The following CCDC169 variants were observed in gnomAD, a reference collection of about 807,000 sequenced individuals.
CCDC169 encodes coiled-coil domain containing 169.
CCDC169 carries 30 observed loss-of-function variants against 36.0 expected under a neutral mutation model. The observed-to-expected ratio is 0.83, with a 90% CI of 0.62 to 1.13. The LOEUF is 1.13. CCDC169 is among the 50% of genes most tolerant of loss of function. CCDC169 has a pLI of 0.00. For missense variants in CCDC169, 245 were observed against 245.9 expected (o/e 1.00, Z 0.03); for synonymous variants, 85 against 81.5 (o/e 1.04, Z -0.23).
intron 7 of CCDC169, among the ~76,000 whole-genome samples, chr13:36,248,118 T>A (rs927360327): frequency 6.6e-6 from 1 of 152,146 alleles, no homozygotes; most frequent in African/African-American, 2.4e-5. Flanking sequence ...CTTTTAAAAG[T>A]AAGGTATTTA....
At chr13:36,223,030 C>T (rs965566342), downstream of CCDC169, 3 of 152,096 alleles carry the variant, frequency 2.0e-5, no homozygotes, top group Non-Finnish European at 4.4e-5. Flanking sequence ...TTGATGAAAA[C>T]TACAGATATA....
chr13:36,288,931 G>T (rs1260637918), intron 2 of CCDC169, among the ~76,000 whole-genome samples: 1 of 152,006 alleles, frequency 6.6e-6, no homozygotes, highest in Non-Finnish European at 1.5e-5. Flanking sequence ...TCAGAAAACA[G>T]AAAATTTTAG....
At chr13:36,243,701 G>A (rs1040869660) in intron 7 of CCDC169, among the ~76,000 whole-genome samples, 3 of 152,136 alleles carry the variant, frequency 2.0e-5, no homozygotes, top group African/African-American at 4.8e-5. Flanking sequence ...AGCTACTCGG[G>A]AGGCTGAGAC....
chr13:36,245,760 A>T (rs921356157), intron 7 of CCDC169, among the ~76,000 whole-genome samples: 1 of 152,186 alleles, frequency 6.6e-6, no homozygotes, highest in Non-Finnish European at 1.5e-5. Flanking sequence ...TTGTCTTATT[A>T]TGCTTCACTT....
At chr13:36,287,049 A>G (rs1481810671) in intron 2 of CCDC169, among the ~76,000 whole-genome samples, 1 of 152,166 alleles carries the variant, frequency 6.6e-6, no homozygotes, top group African/African-American at 2.4e-5. Context: ...AGCTGATTAC[A>G]TATGGTGCAT....
chr13:36,252,138 G>A (rs1023564405), intron 6 of CCDC169, among the ~76,000 whole-genome samples: 1 of 152,156 alleles, frequency 6.6e-6, no homozygotes, highest in Non-Finnish European at 1.5e-5. Context: ...GCTAGACCTT[G>A]AAGGATGTGG....
chr13:36,292,638 T>G (rs1049363143), intron 2 of CCDC169, among the ~76,000 whole-genome samples: 1 of 152,138 alleles, frequency 6.6e-6, no homozygotes, highest in Non-Finnish European at 1.5e-5. Flanking sequence ...AATAAGCAGA[T>G]GAGAAAGTAG....
At chr13:36,229,106 G>C (rs1399717103), downstream of CCDC169, among the ~76,000 whole-genome samples, 1 of 152,108 alleles carries the variant, frequency 6.6e-6, no homozygotes, top group Admixed American at 6.6e-5. Context: ...TAGTGGGAAA[G>C]AGACTATAAA....
intron 7 of CCDC169, among the ~76,000 whole-genome samples, chr13:36,243,097 A>G (rs138632222): frequency 1.3e-5 from 2 of 152,224 alleles, no homozygotes; most frequent in Non-Finnish European, 1.5e-5. Flanking sequence ...TGAGTCATGG[A>G]TAAATCAGCT....
At chr13:36,297,564 A>G in intron 1 of CCDC169, 73 bp downstream of exon 1, 1 of 1,431,518 alleles carries the variant, frequency 7.0e-7, no homozygotes, top group Non-Finnish European at 9.5e-7. Flanking sequence ...CAGCGGCTTC[A>G]GCCCTGAGAC....
chr13:36,234,117 A>G (rs1854345), intron 7 of CCDC169, among the ~76,000 whole-genome samples: 61,599 of 151,984 alleles, frequency 0.41, 13,262 homozygotes, highest in Non-Finnish European at 0.48. Context: ...TAAAATCAGA[A>G]TCTAAGCCCC....
chr13:36,289,040 G>T (rs534320535), intron 2 of CCDC169, among the ~76,000 whole-genome samples: 1 of 152,128 alleles, frequency 6.6e-6, no homozygotes, highest in African/African-American at 2.4e-5. Context: ...ATATTAAGTT[G>T]GCTATAATTA....
intron 4 of CCDC169, among the ~76,000 whole-genome samples, chr13:36,267,778 A>T (rs1172508383): frequency 6.6e-6 from 1 of 152,142 alleles, no homozygotes; most frequent in African/African-American, 2.4e-5. Flanking sequence ...CGCAAATAGA[A>T]ACCAAAAGTG....
intron 2 of CCDC169, among the ~76,000 whole-genome samples, chr13:36,289,372 C>T (rs1257971718): frequency 6.6e-6 from 1 of 152,156 alleles, no homozygotes; most frequent in African/African-American, 2.4e-5. Context: ...TCTAGAAAAG[C>T]AATATTTTCC....
intron 2 of CCDC169, among the ~76,000 whole-genome samples, chr13:36,291,063 T>G (rs1400800926): frequency 6.6e-6 from 1 of 151,836 alleles, no homozygotes; most frequent in African/African-American, 2.4e-5. Flanking sequence ...CAAAGAAACC[T>G]GACAAACTAG....
At chr13:36,230,353 C>G (rs1303246978), downstream of CCDC169, among the ~76,000 whole-genome samples, 2 of 152,170 alleles carry the variant, frequency 1.3e-5, no homozygotes, top group Non-Finnish European at 2.9e-5. Flanking sequence ...AACAGTCTAA[C>G]CATGAATGAG....
At chr13:36,250,716 T>C (rs1033374773) in intron 6 of CCDC169, among the ~76,000 whole-genome samples, 1 of 152,196 alleles carries the variant, frequency 6.6e-6, no homozygotes, top group East Asian at 1.9e-4. Flanking sequence ...ATGGGAAGAC[T>C]GAGAGTCATT....
At chr13:36,250,723 C>T (rs1425449526) in intron 6 of CCDC169, among the ~76,000 whole-genome samples, 1 of 152,122 alleles carries the variant, frequency 6.6e-6, no homozygotes, top group East Asian at 1.9e-4. Context: ...GACTGAGAGT[C>T]ATTTACAAAT....
At chr13:36,248,544 T>C in intron 7 of CCDC169, 62 bp downstream of exon 7, 1 of 1,485,498 alleles carries the variant, frequency 6.7e-7, no homozygotes, top group Non-Finnish European at 9.1e-7. Flanking sequence ...GACACCTGTT[T>C]TGTCAGTGGC....
Sources: gnomAD v4.1 joint callset for allele counts (sites outside exome capture counted in the v4.1 genomes callset) on GRCh38, gnomAD v4.1.1 for gene constraint, MANE v1.5 for transcripts, NCBI Gene and HGNC (gene_info 2026-07-23, HGNC 2026-07-21) for gene names.